The following PPP2R2A variants were observed in gnomAD, a reference collection of about 807,000 sequenced individuals.
The protein encoded by PPP2R2A is serine/threonine-protein phosphatase 2A 55 kDa regulatory subunit B alpha isoform.
Under a neutral mutation model 53.2 loss-of-function variants are expected in PPP2R2A, and 9 were observed. That is an observed-to-expected ratio of 0.17 (90% CI 0.10 to 0.30). PPP2R2A has a LOEUF of 0.30. Among genes scored for constraint, PPP2R2A ranks in the 10% least tolerant of loss-of-function variants. The pLI, the probability that PPP2R2A is intolerant of heterozygous loss-of-function variation, is 1.00. For synonymous variants in PPP2R2A, 169 were observed against 174.2 expected (o/e 0.97, Z 0.23); for missense variants, 235 against 534.6 (o/e 0.44, Z 5.53).
intron 8 of PPP2R2A, 59 bp downstream of exon 8, chr8:26,363,949 A>G (rs1462706546): frequency 1.4e-6 from 2 of 1,418,568 alleles, no homozygotes; most frequent in Non-Finnish European, 1.9e-6. Context: ...GTGTTTATAG[A>G]GAAGGATTTT....
At chr8:26,333,733 T>C (rs953983337) in intron 2 of PPP2R2A, among the ~76,000 whole-genome samples, 4 of 152,228 alleles carry the variant, frequency 2.6e-5, no homozygotes, top group Admixed American at 2.6e-4. Context: ...ATTGTGTTTC[T>C]TATAATACAT....
At chr8:26,361,994 A>G (rs1805113283) in intron 6 of PPP2R2A, among the ~76,000 whole-genome samples, 1 of 148,930 alleles carries the variant, frequency 6.7e-6, no homozygotes, top group African/African-American at 2.4e-5. Flanking sequence ...TATATATATT[A>G]TATTAATTGA....
chr8:26,334,737 TC>T (rs1803565829), intron 2 of PPP2R2A, among the ~76,000 whole-genome samples: 1 of 151,274 alleles, frequency 6.6e-6, no homozygotes, highest in Admixed American at 6.6e-5. Flanking sequence ...AGAGTAAGAC[TC>T]CATCTCAAAA....
At chr8:26,369,547 C>T (rs531270566) in intron 9 of PPP2R2A, among the ~76,000 whole-genome samples, 21 of 152,278 alleles carry the variant, frequency 1.4e-4, no homozygotes, top group South Asian at 2.1e-4. Context: ...CCTGCCACCA[C>T]GCCAGGCTAA....
chr8:26,318,328 A>G (rs990940151), intron 2 of PPP2R2A, among the ~76,000 whole-genome samples: 2 of 152,206 alleles, frequency 1.3e-5, no homozygotes, highest in African/African-American at 4.8e-5. Context: ...TGGATATTTC[A>G]TACTAAGGAA....
chr8:26,301,556 G>A (rs1473731032), intron 2 of PPP2R2A, among the ~76,000 whole-genome samples: 1 of 151,936 alleles, frequency 6.6e-6, no homozygotes, highest in African/African-American at 2.4e-5. Context: ...AGGCTGGTCT[G>A]CTGATGGCGT....
chr8:26,361,318 G>A (rs769550889), intron 6 of PPP2R2A, among the ~76,000 whole-genome samples, 167 bp downstream of exon 6: 24 of 152,116 alleles, frequency 1.6e-4, no homozygotes, highest in Non-Finnish European at 3.2e-4. Context: ...ACTGGAAAAA[G>A]TTATTTGCTA....
rs1210459431 is a variant in PPP2R2A at position 26,338,288 on chromosome 8, G to A, written c.83-602G>A. ...ACTGAGCTGGTAGAATCCATGTGACGTGACTGATTCTAGTGGTCCTGCAGT... is the reference window on the plus strand; with the variant it reads ...ACTGAGCTGGTAGAATCCATGTGACATGACTGATTCTAGTGGTCCTGCAGT... On this transcript the variant is annotated intron_variant, in intron 2 of 9. Transcript: ENST00000380737. The surrounding 1 kb of genome is among the most constrained non-coding windows in gnomAD (Gnocchi z 4.5). Among the ~76,000 whole-genome samples the A allele has an allele frequency of 2.6e-5, 4 of 152,202 alleles. No homozygotes were observed. Among genetic ancestry groups the A allele is most frequent in the Non-Finnish European group, 5.9e-5 (4 of 68,044 alleles).
At chr8:26,368,999 T>G (rs1480373593) in intron 9 of PPP2R2A, among the ~76,000 whole-genome samples, 1 of 150,914 alleles carries the variant, frequency 6.6e-6, no homozygotes, top group African/African-American at 2.4e-5. Context: ...TCCCAGCTAC[T>G]CAGGAGGCTG....
chr8:26,370,283 A>G lies in PPP2R2A; in HGVS notation c.1214A>G (p.Lys405Arg). The change falls in exon 10 of 10, where the codon AAA becomes AGA. Residue 405 changes from lysine (K) to arginine (R), a missense_variant. By Grantham distance (26) the Lys-to-Arg change is conservative (BLOSUM62 2). Coordinates refer to ENST00000380737, the MANE Select transcript of PPP2R2A (RefSeq NM_002717.4). The surrounding 1 kb of genome is among the most constrained non-coding windows in gnomAD (Gnocchi z 6.1). ...GTCTGTGCAAGTGGCAAGCGAAAGA[A>G]AGATGAAATAAGTGTTGACAGCCTA... is the stretch of plus-strand genomic sequence containing the variant. ...RKVCASGKRK[K>R]DEISVDSLDF... is the part of the protein sequence containing the mutation. 1.9e-6 allele frequency: 3 copies of G among 1,614,214 alleles called. No individual in the cohort carries two copies. The highest frequency in any genetic ancestry group is 2.5e-6 in the Non-Finnish European group (3 of 1,180,032).
At chr8:26,309,390 C>T (rs1054740103) in intron 2 of PPP2R2A, among the ~76,000 whole-genome samples, 1 of 152,142 alleles carries the variant, frequency 6.6e-6, no homozygotes, top group Admixed American at 6.5e-5. Context: ...AACAGATGTG[C>T]TCTCAGCTAG....
intron 2 of PPP2R2A, among the ~76,000 whole-genome samples, chr8:26,335,927 C>T (rs1412293089): frequency 1.3e-5 from 2 of 152,190 alleles, no homozygotes; most frequent in Non-Finnish European, 2.9e-5. Flanking sequence ...AGAAGTGATA[C>T]GTTATTGGAG....
chr8:26,361,909 T>C (rs1270483668), intron 6 of PPP2R2A, among the ~76,000 whole-genome samples: 1 of 151,106 alleles, frequency 6.6e-6, no homozygotes, highest in Non-Finnish European at 1.5e-5. Context: ...TGCAGTGAGC[T>C]GAGATTGTGC....
intron 8 of PPP2R2A, 154 bp from the exon 9 acceptor site, chr8:26,366,161 C>T (rs1805363440): frequency 3.3e-6 from 2 of 608,790 alleles, no homozygotes; most frequent in South Asian, 4.5e-5. Context: ...TGTAAAAGGA[C>T]AAAATGCCTT....
intron 2 of PPP2R2A, among the ~76,000 whole-genome samples, chr8:26,302,722 A>G (rs924304991): frequency 2.0e-5 from 3 of 152,238 alleles, no homozygotes; most frequent in Non-Finnish European, 4.4e-5. Context: ...GGTGCAGTAC[A>G]TTGAATACAG....
At chr8:26,306,522 A>G (rs1041922704) in intron 2 of PPP2R2A, among the ~76,000 whole-genome samples, 1 of 151,472 alleles carries the variant, frequency 6.6e-6, no homozygotes, top group African/African-American at 2.4e-5. Flanking sequence ...AACTGCATTT[A>G]CAAAAGAAAA....
At chr8:26,302,581 G>T (rs1026755009) in intron 2 of PPP2R2A, among the ~76,000 whole-genome samples, 2 of 152,154 alleles carry the variant, frequency 1.3e-5, no homozygotes, top group Non-Finnish European at 2.9e-5. Flanking sequence ...CACCACTGTG[G>T]AATTTTGGTG....
chr8:26,334,201 A>G (rs1313294218), intron 2 of PPP2R2A, among the ~76,000 whole-genome samples: 1 of 152,164 alleles, frequency 6.6e-6, no homozygotes, highest in African/African-American at 2.4e-5. Context: ...GGCATTTTTC[A>G]TTGTAAAATA....
chr8:26,356,284 A>G (rs1411988942), intron 4 of PPP2R2A, among the ~76,000 whole-genome samples: 1 of 152,182 alleles, frequency 6.6e-6, no homozygotes, highest in Non-Finnish European at 1.5e-5. Flanking sequence ...GTTCTTAGAA[A>G]TGCTGTTCAC....
Sources: gnomAD v4.1 joint callset for allele counts (sites outside exome capture counted in the v4.1 genomes callset) on GRCh38, gnomAD v4.1.1 for gene constraint, Gnocchi (gnomAD v3.1) non-coding constraint, MANE v1.5 for transcripts, NCBI Gene and HGNC (gene_info 2026-07-23, HGNC 2026-07-21) for gene names.